Variants in USP19 observed in about 807,000 individuals in gnomAD.
The protein encoded by USP19 is ubiquitin carboxyl-terminal hydrolase 19.
Under a neutral mutation model 144.8 loss-of-function variants are expected in USP19, and 40 were observed. The ratio of observed to expected loss-of-function variants is 0.28; its 90% confidence interval spans 0.21 to 0.36. The LOEUF is 0.36. Among genes scored for constraint, USP19 ranks in the 10% least tolerant of loss-of-function variants. The pLI is 1.00. For synonymous variants in USP19, 701 were observed against 709.3 expected (o/e 0.99, Z 0.19); for missense variants, 1,518 against 1,822.5 (o/e 0.83, Z 3.04).
At chr3:49,113,846 G>A (rs951381966) in intron 17 of USP19, 146 bp downstream of exon 17, 15 of 813,038 alleles carry the variant, frequency 1.8e-5, no homozygotes, top group African/African-American at 1.4e-4. Context: ...TGCCCACCTC[G>A]GCCTCACAAA....
rs1003741426 is a variant in USP19 at position 49,112,558 on chromosome 3, C to T, written c.2577G>A (p.Thr859=). The change falls in exon 18 of 27, where the codon ACG becomes ACA. Residue 859 remains threonine, a synonymous_variant. Transcript: ENST00000417901. The surrounding 1 kb of genome is among the most constrained non-coding windows in gnomAD (Gnocchi z 4.9). ...HSLDTVSPSD[T]LLCFELLSSE... ...AGGATAGCAGCTCAAAGCAGAGGAG[C>T]GTATCAGATGGGGACACAGTGTCCA... The T allele has an allele frequency of 1.9e-6, 3 of 1,614,058 alleles. No individual in the cohort carries two copies. Among genetic ancestry groups the T allele is most frequent in the Admixed American group, 1.7e-5 (1 of 60,010 alleles).
chr3:49,115,660 TGA>T lies in USP19; in HGVS notation c.1693-23_1693-22del, dbSNP rs1199908993. The T allele has an allele frequency of 6.2e-7, 1 of 1,608,870 alleles. No individual in the cohort carries two copies. Among genetic ancestry groups the T allele is most frequent in the South Asian group, 1.1e-5 (1 of 90,662 alleles). On this transcript the variant is annotated intron_variant, in intron 11 of 26. Transcript: ENST00000417901. The surrounding 1 kb of genome is among the most constrained non-coding windows in gnomAD (Gnocchi z 6.6). ...TTGGGCTGCAGGAGCAAAGACGACA[TGA>T]GAGAACAGCCCCAAGACTCTCCAGC...
rs2107161418 is a variant in USP19 at position 49,108,741 on chromosome 3, T to C, written c.4039-213A>G. 7.3e-7 allele frequency: 1 copy of C among 1,375,822 alleles called. No individual in the cohort carries two copies. Among genetic ancestry groups the C allele is most frequent in the Non-Finnish European group, 9.4e-7 (1 of 1,069,464 alleles). 85.2% of individuals were successfully genotyped at this position (1,375,822 alleles called of 1,614,324 possible). A position where few individuals can be genotyped will look rare whatever the true frequency, so the allele number is the denominator to read the frequency against. On this transcript the variant is annotated intron_variant, in intron 26 of 26. Coordinates refer to ENST00000417901, the MANE Select transcript of USP19 (RefSeq NM_001199161.2). This position sits in a 1 kb window ranked among gnomAD's most constrained non-coding sequence, Gnocchi z 4.8. ...GAAGTAGCTTGGGCAGGGCCAAGCC[T>C]GAGGCCAAGGGTCAGAGCAGCAGGA... is the stretch of plus-strand genomic sequence containing the variant.
Position 49,108,795 on chromosome 3 carries a change from C to T in USP19, c.4039-267G>A. ...ATGGACAGACAGCCAGATGGATACA[C>T]ACCCTAGGATACTCTGCCCCTGCAG... On this transcript the variant is annotated intron_variant, in intron 26 of 26. Coordinates refer to ENST00000417901, the MANE Select transcript of USP19 (RefSeq NM_001199161.2). This position sits in a 1 kb window ranked among gnomAD's most constrained non-coding sequence, Gnocchi z 4.8. 1.4e-6 allele frequency: 2 copies of T among 1,419,760 alleles called. No individual in the cohort carries two copies. The highest frequency in any genetic ancestry group is 1.8e-6 in the Non-Finnish European group (2 of 1,089,340). 87.9% of individuals were successfully genotyped at this position (1,419,760 alleles called of 1,614,324 possible).
At position 49,111,802 on chromosome 3, in the gene USP19, C is replaced by T. The variant is rs754114584; in HGVS notation, c.2915G>A (p.Ser972Asn). 2.6e-6 allele frequency: 4 copies of T among 1,565,752 alleles called. No individual in the cohort carries two copies. In the South Asian group the frequency reaches 3.6e-5, roughly 14 times the overall value. The change falls in exon 21 of 27, where the codon AGT (serine) becomes AAT (asparagine). Residue 972 changes from serine to asparagine, a missense_variant. Transcript: ENST00000417901. This position sits in a 1 kb window ranked among gnomAD's most constrained non-coding sequence, Gnocchi z 5.9. ...TGGCTGAAAGGGTGGCTGGAATACA[C>T]TCACAGAGTACCTGGCAACAGAGAA... ...LLEGYARYSV[S>N]VFQPPFQPGR... is the part of the protein sequence containing the mutation.
At position 49,114,101 on chromosome 3, in the gene USP19, A is replaced by G; in HGVS notation, c.2404-8T>C. On this transcript the variant is annotated splice_region_variant and splice_polypyrimidine_tract_variant and intron_variant, in intron 16 of 26. Transcript: ENST00000417901. This position sits in a 1 kb window ranked among gnomAD's most constrained non-coding sequence, Gnocchi z 4.5. ...GCTGACGCTCACCAGGAACTGTGGC[A>G]AAAAGGGCAGTCAGTGAGGGAGGTG... The G allele has an allele frequency of 1.2e-6, 2 of 1,614,212 alleles. No homozygotes were observed. The highest frequency in any genetic ancestry group is 1.7e-6 in the Non-Finnish European group (2 of 1,180,034).
In USP19 at chr3:49,116,654, T is replaced by G; in HGVS notation, c.1127-47A>C. 6.2e-7 allele frequency: 1 copy of G among 1,612,350 alleles called. No individual in the cohort carries two copies. The highest frequency in any genetic ancestry group is 8.5e-7 in the Non-Finnish European group (1 of 1,178,906). On this transcript the variant is annotated intron_variant, in intron 7 of 26. Transcript: ENST00000417901. This position sits in a 1 kb window ranked among gnomAD's most constrained non-coding sequence, Gnocchi z 5.0. ...GCCCCAACCAGGACAGGTTCCAGCC[T>G]ATTGCTACTCTCTATCCACCTACAA...
At position 49,108,820 on chromosome 3, in the gene USP19, G is replaced by A; in HGVS notation, c.4039-292C>T. On this transcript the variant is annotated intron_variant, in intron 26 of 26. Transcript: ENST00000417901. The surrounding 1 kb of genome is among the most constrained non-coding windows in gnomAD (Gnocchi z 4.8). Reference sequence around the variant, plus strand: ...CACCCTAGGATACTCTGCCCCTGCAGGGGCCACAACCTCCCCACCCTCTCC... The same window carrying A: ...CACCCTAGGATACTCTGCCCCTGCAAGGGCCACAACCTCCCCACCCTCTCC... 1 of 1,444,902 alleles carries A rather than the reference G, an allele frequency of 6.9e-7. No individual in the cohort carries two copies. The highest frequency in any genetic ancestry group is 9.1e-7 in the Non-Finnish European group (1 of 1,098,658). The allele number at this position is 1,444,902 out of a possible 1,614,324, so 89.5% of individuals were successfully genotyped here.
At chr3:49,113,166 C>A (rs1171466048) in intron 17 of USP19, among the ~76,000 whole-genome samples, 1 of 152,190 alleles carries the variant, frequency 6.6e-6, no homozygotes, top group Non-Finnish European at 1.5e-5. Flanking sequence ...GGGGAATAAA[C>A]CCTGATAATG....
rs1202568544 is a variant in USP19 at position 49,115,175 on chromosome 3, T to G, written c.2022+53A>C. The G allele has an allele frequency of 9.9e-6, 16 of 1,612,858 alleles. No individual in the cohort carries two copies. Among genetic ancestry groups the G allele is most frequent in the Non-Finnish European group, 1.4e-5 (16 of 1,179,540 alleles). ...CCCTAGCACCCACTGCACACCCAGC[T>G]GGCTGGCCCTCCCCGCCCCCTCCAG... On this transcript the variant is annotated intron_variant, in intron 13 of 26. Transcript: ENST00000417901. The surrounding 1 kb of genome is among the most constrained non-coding windows in gnomAD (Gnocchi z 6.6).
chr3:49,108,585 C>A lies in USP19; in HGVS notation c.4039-57G>T. On this transcript the variant is annotated intron_variant, in intron 26 of 26. Transcript: ENST00000417901. The surrounding 1 kb of genome is among the most constrained non-coding windows in gnomAD (Gnocchi z 4.8). ...GCTGCCCAGCATGCCGCCTGGCATC[C>A]CGGGGGTGCTGGCTTGGAGCCCTGG... 1.6e-6 allele frequency: 2 copies of A among 1,260,768 alleles called. No individual in the cohort carries two copies. Among genetic ancestry groups the A allele is most frequent in the South Asian group, 2.7e-5 (1 of 37,054 alleles). The allele number at this position is 1,260,768 out of a possible 1,614,324, so 78.1% of individuals were successfully genotyped here. A position where few individuals can be genotyped will look rare whatever the true frequency, so the allele number is the denominator to read the frequency against.
Position 49,110,898 on chromosome 3 carries a change from G to GTC in USP19, c.3546-37_3546-36dup. The GTC allele has an allele frequency of 6.2e-7, 1 of 1,613,790 alleles. No homozygotes were observed. Among genetic ancestry groups the GTC allele is most frequent in the Middle Eastern group, 1.7e-4 (1 of 6,056 alleles). On this transcript the variant is annotated intron_variant, in intron 23 of 26. Coordinates refer to ENST00000417901, the MANE Select transcript of USP19 (RefSeq NM_001199161.2). This position sits in a 1 kb window ranked among gnomAD's most constrained non-coding sequence, Gnocchi z 6.1. ...ACAGAGATTGGGTCAGGACCAGCAA[G>GTC]TCTCTCTCTTCTCCATCCTGCCCCC...
chr3:49,112,257 G>C lies in USP19; in HGVS notation c.2765+27C>G. The C allele has an allele frequency of 6.3e-7, 1 of 1,587,730 alleles. No individual in the cohort carries two copies. Among genetic ancestry groups the C allele is most frequent in the Non-Finnish European group, 8.6e-7 (1 of 1,167,336 alleles). On this transcript the variant is annotated intron_variant, in intron 19 of 26. Coordinates refer to ENST00000417901, the MANE Select transcript of USP19 (RefSeq NM_001199161.2). This position sits in a 1 kb window ranked among gnomAD's most constrained non-coding sequence, Gnocchi z 4.9. ...TGGCACATGGAAGGTGGAAAGAAAG[G>C]GTAGGGGAGACCATGGGGGTCCTCA...
Position 49,117,270 on chromosome 3 carries a change from G to A in USP19, c.698C>T (p.Pro233Leu). 3.2e-6 allele frequency: 5 copies of A among 1,567,912 alleles called. No homozygotes were observed. The highest frequency in any genetic ancestry group is 4.3e-6 in the Non-Finnish European group (5 of 1,156,368). Residue 233 changes from proline (P) to leucine (L), a missense_variant, in exon 6 of 27, where the codon CCT (proline) becomes CTT (leucine). Physicochemically the swap from Pro to Leu is moderately conservative, Grantham distance 98. This residue lies in a region of USP19 where 707 missense variants were observed against 728.9 expected (regional missense o/e 0.97). Coordinates refer to ENST00000417901, the MANE Select transcript of USP19 (RefSeq NM_001199161.2). This position sits in a 1 kb window ranked among gnomAD's most constrained non-coding sequence, Gnocchi z 4.4. Reference sequence around the variant, plus strand: ...CTCCTGCTTAGCCCGGTGGGGCTCAGGGCCTGGCTCCAGGGCAATGGGAGA... The same window carrying A: ...CTCCTGCTTAGCCCGGTGGGGCTCAAGGCCTGGCTCCAGGGCAATGGGAGA... ...ELSPIALEPG[P>L]EPHRAKQEAR...
At position 49,115,076 on chromosome 3, in the gene USP19, T is replaced by C. The variant is rs769928680; in HGVS notation, c.2064A>G (p.Ala688=). 6.2e-7 allele frequency: 1 copy of C among 1,614,176 alleles called. No individual in the cohort carries two copies. The highest frequency in any genetic ancestry group is 1.3e-5 in the African/African-American group (1 of 75,038). ...CCATGAACTCCTGGGCATCATGCTG[T>C]GCATAGCCTGTGAACTGGCTGGCCT... ...ASKASQFTGY[A]QHDAQEFMAF... is the part of the protein sequence containing the mutation. Residue 688 remains alanine, a synonymous_variant, in exon 14 of 27, where the codon GCA becomes GCG. Coordinates refer to ENST00000417901, the MANE Select transcript of USP19 (RefSeq NM_001199161.2). The surrounding 1 kb of genome is among the most constrained non-coding windows in gnomAD (Gnocchi z 6.6).
At position 49,116,016 on chromosome 3, in the gene USP19, A is replaced by T. The variant is rs764412146; in HGVS notation, c.1471+31T>A. On this transcript the variant is annotated intron_variant, in intron 10 of 26. Transcript: ENST00000417901. This position sits in a 1 kb window ranked among gnomAD's most constrained non-coding sequence, Gnocchi z 5.0. ...GGGGTTTGGGTCCTGGTCACGTGGA[A>T]CTGGGCAATGAAGGGAGCTCGTGTG... 1.3e-6 allele frequency: 2 copies of T among 1,581,080 alleles called. No individual in the cohort carries two copies. Among genetic ancestry groups the T allele is most frequent in the South Asian group, 2.3e-5 (2 of 87,446 alleles).
rs201735519 is a variant in USP19 at position 49,110,353 on chromosome 3, A to C, written c.3869T>G (p.Leu1290Trp). Reference sequence around the variant, plus strand: ...CGTTGTCACTGTGCTGTCATCAAACAAGCGCCAGCCTACAGCAGGGTGGGA... The same window carrying C: ...CGTTGTCACTGTGCTGTCATCAAACCAGCGCCAGCCTACAGCAGGGTGGGA... The part of the protein sequence containing the change: ...SSQRSDVGWR[L>W]FDDSTVTTVD... The change falls in exon 26 of 27, where the codon TTG becomes TGG. Residue 1290 changes from leucine (L) to tryptophan (W), a missense_variant. Physicochemically the swap from Leu to Trp is moderately conservative, Grantham distance 61 (BLOSUM62 -2). This residue lies in a region of USP19 where 122 missense variants were observed against 200.4 expected (regional missense o/e 0.61). Coordinates refer to ENST00000417901, the MANE Select transcript of USP19 (RefSeq NM_001199161.2). This position sits in a 1 kb window ranked among gnomAD's most constrained non-coding sequence, Gnocchi z 6.1. 5 of 1,595,118 alleles carry C rather than the reference A, an allele frequency of 3.1e-6. No homozygotes were observed. Among genetic ancestry groups the C allele is most frequent in the Non-Finnish European group, 4.3e-6 (5 of 1,168,338 alleles).
intron 26 of USP19, chr3:49,109,307 A>C: frequency 1.6e-6 from 2 of 1,243,290 alleles, no homozygotes; most frequent in Non-Finnish European, 2.1e-6. Context: ...ATTCTAGATC[A>C]AACAGCAAGG....
rs750969501 is a variant in USP19 at position 49,118,076 on chromosome 3, C to T, written c.169G>A (p.Ala57Thr). The change falls in exon 3 of 27, where the codon GCC becomes ACC. Residue 57 changes from alanine to threonine, a missense_variant. Physicochemically the swap from Ala to Thr is moderately conservative, Grantham distance 58. Around this residue, in one of 5 missense-constraint regions of USP19, gnomAD observed 707 missense variants for 728.9 expected, o/e 0.97. Coordinates refer to ENST00000417901, the MANE Select transcript of USP19 (RefSeq NM_001199161.2). The stretch of plus-strand genomic sequence containing the variant: ...GCTGAGGCAGAAGGATCACCTGAGG[C>T]CAGAGGTTCAAGACCAGCCTGGGCA... ...YVAQAGLEPL[A>T]SGDPSASASH... is the part of the protein sequence containing the mutation. The T allele has an allele frequency of 1.3e-5, 20 of 1,565,002 alleles. No individual in the cohort carries two copies. The highest frequency in any genetic ancestry group is 1.6e-5 in the Non-Finnish European group (19 of 1,154,532).
Sources: gnomAD v4.1 joint callset for allele counts (sites outside exome capture counted in the v4.1 genomes callset) on GRCh38, gnomAD v4.1.1 for gene constraint, gnomAD v4.1.1 regional missense constraint, Gnocchi (gnomAD v3.1) non-coding constraint, MANE v1.5 for transcripts, NCBI Gene and HGNC (gene_info 2026-07-23, HGNC 2026-07-21) for gene names.